Variants in STAT5B observed in about 807,000 individuals in gnomAD.
The protein encoded by STAT5B is transcription factor STAT5B.
A neutral mutation model predicts 107.8 loss-of-function variants in STAT5B; 21 were observed. The observed-to-expected ratio is 0.19, with a 90% CI of 0.14 to 0.28. The LOEUF is 0.28. Among genes scored for constraint, STAT5B ranks in the 10% least tolerant of loss-of-function variants. STAT5B has a pLI of 1.00. For missense variants in STAT5B, 565 were observed against 1,008.2 expected, an observed-to-expected ratio of 0.56 and a Z score of 5.95; for synonymous variants, 325 against 401.7, an observed-to-expected ratio of 0.81 and a Z score of 2.28.
chr17:42,216,440 T>C (rs907699328), intron 11 of STAT5B, among the ~76,000 whole-genome samples: 2 of 152,252 alleles, frequency 1.3e-5, no homozygotes, highest in Admixed American at 6.5e-5. Context: ...CCACAACCTT[T>C]ACTCAAATTC....
At chr17:42,266,337 G>A (rs185299378) in intron 1 of STAT5B, among the ~76,000 whole-genome samples, 254 of 151,482 alleles carry the variant, frequency 1.7e-3, no homozygotes, top group South Asian at 3.5e-3. Flanking sequence ...AGACCAGCCC[G>A]GGCAACATAG....
intron 18 of STAT5B, 24 bp downstream of exon 18, chr17:42,202,316 G>C: frequency 6.2e-7 from 1 of 1,613,800 alleles, no homozygotes; most frequent in Non-Finnish European, 8.5e-7. Context: ...CTCCCCTGTG[G>C]ACCCCCACAA....
chr17:42,224,701 T>G, intron 4 of STAT5B, 78 bp downstream of exon 4: 1 of 1,455,020 alleles, frequency 6.9e-7, no homozygotes, highest in South Asian at 1.2e-5. Context: ...CTGAGTCACC[T>G]TGACAAAGGT....
chr17:42,218,585 G>A lies in STAT5B; in HGVS notation c.989+138C>T, dbSNP rs1387215801. On this transcript the variant is annotated intron_variant, in intron 8 of 18. Coordinates refer to ENST00000293328, the MANE Select transcript of STAT5B (RefSeq NM_012448.4). ...TGTCCACAGGAGAAACTGGGCAAGGGCCACAGCAACTGGAGATGGAGTTGG... is the reference window on the plus strand; with the variant it reads ...TGTCCACAGGAGAAACTGGGCAAGGACCACAGCAACTGGAGATGGAGTTGG... 5.2e-6 allele frequency: 8 copies of A among 1,541,426 alleles called. No individual in the cohort carries two copies. In the Admixed American group the frequency reaches 5.8e-5, roughly 11 times the overall value.
Position 42,210,676 on chromosome 17 carries a change from A to G in STAT5B, c.1681-179T>C, listed in dbSNP as rs547788769. 943 of 653,714 alleles carry G rather than the reference A, an allele frequency of 1.4e-3. 12 individuals carry two copies. In the South Asian group the frequency reaches 0.015, roughly 10 times the overall value. The allele number at this position is 653,714 out of a possible 1,614,324, so 40.5% of individuals were successfully genotyped here. On this transcript the variant is annotated intron_variant, in intron 13 of 18. Transcript: ENST00000293328. ...CCCATGGAGAGGAAAAGAGGGAAGA[A>G]GGGGAAAATACCAAACTGCAGTTAC...
chr17:42,236,647 G>T (rs1373117165), intron 1 of STAT5B, among the ~76,000 whole-genome samples: 1 of 152,188 alleles, frequency 6.6e-6, no homozygotes, highest in Non-Finnish European at 1.5e-5. Flanking sequence ...ATGTTGGCCA[G>T]GTTGGTCTTG....
At chr17:42,256,044 A>G (rs2144374617) in intron 1 of STAT5B, among the ~76,000 whole-genome samples, 1 of 152,350 alleles carries the variant, frequency 6.6e-6, no homozygotes, top group South Asian at 2.1e-4. Context: ...GCTAACCTCC[A>G]GCCTGGGTGA....
chr17:42,281,268 C>T (rs79445227), upstream of STAT5B, among the ~76,000 whole-genome samples: 6,974 of 152,208 alleles, frequency 0.046, 497 homozygotes, highest in African/African-American at 0.16. Context: ...ATATATGTTT[C>T]AAATCCACAG....
At chr17:42,235,235 G>A (rs1254312632) in intron 1 of STAT5B, 2 of 151,984 alleles carry the variant, frequency 1.3e-5, no homozygotes, top group Non-Finnish European at 2.9e-5. Flanking sequence ...TCATATATTT[G>A]CTTACTGACT....
At chr17:42,218,476 G>C (rs543270785) in intron 8 of STAT5B, 146 bp from the exon 9 acceptor site, 3 of 1,421,066 alleles carry the variant, frequency 2.1e-6, no homozygotes, top group Admixed American at 4.5e-5. Context: ...TGGGGAAGCC[G>C]TGAGAGTCCA....
intron 1 of STAT5B, among the ~76,000 whole-genome samples, chr17:42,250,981 C>T (rs1055015104): frequency 3.3e-5 from 5 of 150,182 alleles, no homozygotes; most frequent in African/African-American, 9.8e-5. Flanking sequence ...GACAGTGATA[C>T]CTGCAGTTTA....
At chr17:42,250,216 G>A (rs2080486879) in intron 1 of STAT5B, among the ~76,000 whole-genome samples, 1 of 152,142 alleles carries the variant, frequency 6.6e-6, no homozygotes, top group African/African-American at 2.4e-5. Context: ...TTCAGGTTGT[G>A]GTGGCAACAG....
chr17:42,252,228 A>G (rs1289233878), intron 1 of STAT5B, among the ~76,000 whole-genome samples: 2 of 152,166 alleles, frequency 1.3e-5, no homozygotes, highest in African/African-American at 4.8e-5. Flanking sequence ...AAGCCTAGGA[A>G]AAGTGCCTCA....
intron 1 of STAT5B, among the ~76,000 whole-genome samples, chr17:42,247,254 A>G (rs2080459398): frequency 6.6e-6 from 1 of 152,218 alleles, no homozygotes; most frequent in Admixed American, 6.5e-5. Context: ...GAAGAGACCA[A>G]TAATACCTTA....
rs1246031393 is a variant in STAT5B, at chr17:42,201,026, C to G, written c.*712G>C. 4 of 401,128 alleles carry G rather than the reference C, an allele frequency of 1.0e-5. No individual in the cohort carries two copies. In the Admixed American group the frequency reaches 1.3e-4, roughly 13 times the overall value. The allele number at this position is 401,128 out of a possible 1,614,324, so 24.8% of individuals were successfully genotyped here. A position where few individuals can be genotyped will look rare whatever the true frequency, so the allele number is the denominator to read the frequency against. Reference sequence around the variant, plus strand: ...CACCCAGAGGAACTGAGTGGCAATTCCAGGGTGCGGGCGGGCAGGAGGGGA... The same window carrying G: ...CACCCAGAGGAACTGAGTGGCAATTGCAGGGTGCGGGCGGGCAGGAGGGGA... On this transcript the variant is annotated 3_prime_UTR_variant, in exon 19 of 19. Transcript: ENST00000293328.
intron 1 of STAT5B, among the ~76,000 whole-genome samples, chr17:42,273,709 A>G (rs1035414467): frequency 6.6e-6 from 1 of 152,214 alleles, no homozygotes; most frequent in Non-Finnish European, 1.5e-5. Flanking sequence ...CCTATCTATA[A>G]CGTCTTCCTT....
chr17:42,236,278 G>A (rs956588425), intron 1 of STAT5B, among the ~76,000 whole-genome samples: 5 of 152,120 alleles, frequency 3.3e-5, no homozygotes, highest in Non-Finnish European at 5.9e-5. Context: ...ACACTAACTA[G>A]TACAGAGTCA....
intron 5 of STAT5B, among the ~76,000 whole-genome samples, chr17:42,222,743 G>A (rs1050236960): frequency 6.8e-5 from 10 of 146,424 alleles, no homozygotes; most frequent in African/African-American, 2.3e-4. Context: ...GTGCAATGGT[G>A]AGATCTCGGC....
chr17:42,206,113 G>C (rs1351987204), intron 16 of STAT5B, among the ~76,000 whole-genome samples: 1 of 152,090 alleles, frequency 6.6e-6, no homozygotes, highest in African/African-American at 2.4e-5. Flanking sequence ...CACCAGACTG[G>C]AATGCAGTGG....
Sources: allele counts gnomAD v4.1 joint callset (sites outside exome capture counted in the v4.1 genomes callset), GRCh38; gene constraint gnomAD v4.1.1; transcripts MANE v1.5; gene names NCBI Gene and HGNC (gene_info 2026-07-23, HGNC 2026-07-21).